ODAD2: variants seen among roughly 807,000 people sequenced by gnomAD.
ODAD2 encodes outer dynein arm docking complex subunit 2.
ODAD2 carries 89 observed loss-of-function variants against 106.8 expected under a neutral mutation model. The observed-to-expected ratio is 0.83, with a 90% CI of 0.70 to 0.99. The LOEUF is 0.99. Ranked by LOEUF, ODAD2 falls within the 50% of genes least tolerant of loss-of-function variation. ODAD2 has a pLI of 0.00. For synonymous variants in ODAD2, 404 were observed against 436.2 expected (o/e 0.93, Z 0.92); for missense variants, 1,168 against 1,238.5 (o/e 0.94, Z 0.85).
chr10:27,841,917 G>A (rs1174270564), intron 19 of ODAD2, among the ~76,000 whole-genome samples: 1 of 152,068 alleles, frequency 6.6e-6, no homozygotes, highest in Admixed American at 6.6e-5. Context: ...ACCATGCCTG[G>A]CTTATTTATT....
At chr10:27,869,217 A>G (rs1048228381) in intron 17 of ODAD2, among the ~76,000 whole-genome samples, 1 of 152,146 alleles carries the variant, frequency 6.6e-6, no homozygotes. Context: ...AGAAGATGTG[A>G]AAACTGAAGG....
intron 17 of ODAD2, among the ~76,000 whole-genome samples, chr10:27,888,899 G>T (rs1253653735): frequency 6.6e-6 from 1 of 152,108 alleles, no homozygotes; most frequent in Admixed American, 6.6e-5. Flanking sequence ...TACACCATAT[G>T]CAAAAATGTA....
chr10:27,989,204 GT>G (rs1850070934), intron 2 of ODAD2, among the ~76,000 whole-genome samples: 2 of 152,296 alleles, frequency 1.3e-5, no homozygotes, highest in Admixed American at 1.3e-4. Context: ...AAGCCATTAG[GT>G]TTGGGGCAAT....
chr10:27,928,457 C>G (rs1313385420), intron 16 of ODAD2, among the ~76,000 whole-genome samples: 1 of 152,064 alleles, frequency 6.6e-6, no homozygotes, highest in African/African-American at 2.4e-5. Context: ...TCTATTAATG[C>G]TAAAAACCTT....
intron 17 of ODAD2, among the ~76,000 whole-genome samples, chr10:27,888,937 T>C (rs1425650512): frequency 6.6e-6 from 1 of 152,142 alleles, no homozygotes; most frequent in East Asian, 1.9e-4. Flanking sequence ...GACCTAACCA[T>C]AAGACCTGAA....
At chr10:27,972,878 T>C (rs1848949348) in intron 7 of ODAD2, among the ~76,000 whole-genome samples, 3 of 151,982 alleles carry the variant, frequency 2.0e-5, no homozygotes, top group Non-Finnish European at 2.9e-5. Context: ...ATATAGAAGA[T>C]ATGAGCAACA....
intron 10 of ODAD2, among the ~76,000 whole-genome samples, chr10:27,946,074 A>C (rs1429941332): frequency 1.3e-5 from 2 of 149,096 alleles, no homozygotes; most frequent in Non-Finnish European, 3.0e-5. Context: ...AACATTGTCT[A>C]TTTTATAAAT....
At chr10:27,965,675 T>C (rs1271548849) in intron 9 of ODAD2, among the ~76,000 whole-genome samples, 1 of 152,052 alleles carries the variant, frequency 6.6e-6, no homozygotes, top group Admixed American at 6.6e-5. Flanking sequence ...TGTATCTGGG[T>C]CCCCAGTAAT....
chr10:27,825,787 C>T (rs1183645423), intron 19 of ODAD2, among the ~76,000 whole-genome samples: 1 of 152,176 alleles, frequency 6.6e-6, no homozygotes, highest in East Asian at 1.9e-4. Flanking sequence ...TTAGACTTTG[C>T]CTAGGGCATG....
chr10:27,832,637 T>A (rs1388024421), intron 19 of ODAD2, among the ~76,000 whole-genome samples: 1 of 152,182 alleles, frequency 6.6e-6, no homozygotes, highest in East Asian at 1.9e-4. Context: ...CCTTTTGGTG[T>A]TACTGGTTAG....
At chr10:27,959,372 A>G (rs1847959239) in intron 10 of ODAD2, among the ~76,000 whole-genome samples, 1 of 151,886 alleles carries the variant, frequency 6.6e-6, no homozygotes, top group Non-Finnish European at 1.5e-5. Flanking sequence ...CTCCACTGCC[A>G]GTTCTTTTTT....
chr10:27,966,299 A>G (rs1848483136), intron 9 of ODAD2, among the ~76,000 whole-genome samples: 1 of 152,198 alleles, frequency 6.6e-6, no homozygotes, highest in Non-Finnish European at 1.5e-5. Flanking sequence ...CTTAAACTTA[A>G]CTCAAAGATT....
intron 17 of ODAD2, among the ~76,000 whole-genome samples, chr10:27,881,527 C>T (rs1317299090): frequency 6.6e-6 from 1 of 151,740 alleles, no homozygotes; most frequent in Non-Finnish European, 1.5e-5. Flanking sequence ...GTCCCACTTA[C>T]TTGGGAGGCT....
chr10:27,826,257 T>C (rs1335753562), intron 19 of ODAD2, among the ~76,000 whole-genome samples: 1 of 152,184 alleles, frequency 6.6e-6, no homozygotes, highest in Non-Finnish European at 1.5e-5. Flanking sequence ...TTCTCTATCA[T>C]TCTTCTCCTA....
At chr10:27,816,382 C>T (rs1335017707) in intron 19 of ODAD2, among the ~76,000 whole-genome samples, 1 of 152,190 alleles carries the variant, frequency 6.6e-6, no homozygotes, top group East Asian at 1.9e-4. Context: ...TTTGGAGGGG[C>T]TCATGCCTTG....
At chr10:27,866,146 A>G (rs1181210203) in intron 17 of ODAD2, among the ~76,000 whole-genome samples, 1 of 152,218 alleles carries the variant, frequency 6.6e-6, no homozygotes, top group Non-Finnish European at 1.5e-5. Context: ...TACTATAAAC[A>G]TGAATGTATT....
At position 27,861,348 on chromosome 10, in the gene ODAD2, C is replaced by T. The variant is rs910712440; in HGVS notation, c.2800-502G>A. 2.0e-5 allele frequency among the ~76,000 whole-genome samples: 3 copies of T among 152,150 alleles called. No individual in the cohort carries two copies. The South Asian group carries it at 6.2e-4, about 32-fold the overall frequency. On this transcript the variant is annotated intron_variant, in intron 18 of 19. Coordinates refer to ENST00000305242, the MANE Select transcript of ODAD2 (RefSeq NM_018076.5). Reference sequence around the variant, plus strand: ...AGACCAACGTTCAATCTTGAGTTTTCTTCTTATGAACTGAATGTAGTCAGT... The same window carrying T: ...AGACCAACGTTCAATCTTGAGTTTTTTTCTTATGAACTGAATGTAGTCAGT...
chr10:27,856,981 T>G (rs1839699115), intron 19 of ODAD2, among the ~76,000 whole-genome samples: 1 of 151,978 alleles, frequency 6.6e-6, no homozygotes, highest in Admixed American at 6.6e-5. Context: ...AATAAATAAA[T>G]AATAATAATA....
chr10:27,985,610 G>A (rs1253147614), intron 3 of ODAD2, among the ~76,000 whole-genome samples: 1 of 152,106 alleles, frequency 6.6e-6, no homozygotes, highest in African/African-American at 2.4e-5. Flanking sequence ...ATGTGCATGT[G>A]TGTATGTGTG....
Sources: allele counts gnomAD v4.1 joint callset (sites outside exome capture counted in the v4.1 genomes callset), GRCh38; gene constraint gnomAD v4.1.1; transcripts MANE v1.5; gene names NCBI Gene and HGNC (gene_info 2026-07-23, HGNC 2026-07-21).